Variants in MYO1E observed in about 807,000 individuals in gnomAD.
MYO1E encodes unconventional myosin-Ie.
Under a neutral mutation model 151.1 loss-of-function variants are expected in MYO1E, and 68 were observed. The ratio of observed to expected loss-of-function variants is 0.45; its 90% CI spans 0.37 to 0.55. The LOEUF is 0.55. Among genes scored for constraint, MYO1E ranks in the 20% least tolerant of loss-of-function variants. The probability of loss-of-function intolerance (pLI) is 0.00; values close to 1 mark genes in which losing one functional copy is unlikely to be tolerated. For missense variants in MYO1E, 1,363 were observed against 1,389.3 expected (o/e 0.98, Z 0.30); for synonymous variants, 601 against 501.7 (o/e 1.20, Z -2.64).
At chr15:59,306,432 G>C (rs1220635575) in intron 1 of MYO1E, among the ~76,000 whole-genome samples, 1 of 152,120 alleles carries the variant, frequency 6.6e-6, no homozygotes, top group East Asian at 1.9e-4. Flanking sequence ...ATGTTTTAAT[G>C]AGCATTTAAA....
At position 59,174,243 on chromosome 15, in the gene MYO1E, G is replaced by A. The variant is rs776916643; in HGVS notation, c.2050-3C>T. 1.9e-5 allele frequency: 30 copies of A among 1,598,140 alleles called. No individual in the cohort carries two copies. In the Admixed American group the frequency reaches 4.5e-4, roughly 24 times the overall value. On this transcript the variant is annotated splice_region_variant and splice_polypyrimidine_tract_variant and intron_variant, in intron 19 of 27. Transcript: ENST00000288235. ...CTCATCTCTTCTAAAAGAAATAGCTGTGAATGGAGAGAAGACAAATGTGAG... is the reference window on the plus strand; with the variant it reads ...CTCATCTCTTCTAAAAGAAATAGCTATGAATGGAGAGAAGACAAATGTGAG...
intron 26 of MYO1E, among the ~76,000 whole-genome samples, chr15:59,141,573 T>C (rs891388471): frequency 6.6e-6 from 1 of 151,532 alleles, no homozygotes. Context: ...CCAAGGCGGG[T>C]GGATCACCTG....
At chr15:59,180,757 C>T (rs1001267301) in intron 18 of MYO1E, among the ~76,000 whole-genome samples, 2 of 152,148 alleles carry the variant, frequency 1.3e-5, no homozygotes, top group African/African-American at 2.4e-5. Flanking sequence ...CAAGTGTACC[C>T]AGGCCACTCT....
Position 59,256,269 on chromosome 15 carries a change from G to C in MYO1E, c.332+15C>G. ...TCATATCTTCCACGCCCACTGATAA[G>C]GATCTTCTTCATACCTGATAATGAC... On this transcript the variant is annotated intron_variant, in intron 4 of 27. Coordinates refer to ENST00000288235, the MANE Select transcript of MYO1E (RefSeq NM_004998.4). The C allele has an allele frequency of 6.4e-7, 1 of 1,561,510 alleles. No homozygotes were observed. Among genetic ancestry groups the C allele is most frequent in the African/African-American group, 1.4e-5 (1 of 73,856 alleles).
rs571037497 is a variant in MYO1E, at chr15:59,172,184, C to T, written c.2335-142G>A. ...CCAGCCTGACCAACATGGTGAAACCCCGTCTCTACTGAAAATACAAAAATT... is the reference window on the plus strand; with the variant it reads ...CCAGCCTGACCAACATGGTGAAACCTCGTCTCTACTGAAAATACAAAAATT... On this transcript the variant is annotated intron_variant, in intron 21 of 27. Transcript: ENST00000288235. 1.6e-5 allele frequency: 15 copies of T among 929,530 alleles called. No individual in the cohort carries two copies. The East Asian group carries it at 4.1e-4, about 25-fold the overall frequency. The allele number at this position is 929,530 out of a possible 1,614,324, so 57.6% of individuals were successfully genotyped here. A position where few individuals can be genotyped will look rare whatever the true frequency, so the allele number is the denominator to read the frequency against.
intron 14 of MYO1E, chr15:59,208,081 C>T (rs763317300): frequency 9.6e-6 from 15 of 1,563,768 alleles, no homozygotes; most frequent in South Asian, 1.2e-5. Context: ...TAAGCTTAAG[C>T]TTTAAAGTTG....
At chr15:59,219,341 C>G (rs4775132) in intron 9 of MYO1E, among the ~76,000 whole-genome samples, 2 of 152,238 alleles carry the variant, frequency 1.3e-5, no homozygotes, top group Non-Finnish European at 2.9e-5. Flanking sequence ...AGATGCAATG[C>G]AAATTTTGAA....
intron 22 of MYO1E, 35 bp from the exon 23 acceptor site, chr15:59,163,338 G>T (rs748648795): frequency 6.2e-7 from 1 of 1,604,022 alleles, no homozygotes; most frequent in Non-Finnish European, 8.5e-7. Context: ...CTTGGTGAAA[G>T]CTGTGCTTCT....
At chr15:59,212,455 T>A (rs1182218649) in intron 12 of MYO1E, among the ~76,000 whole-genome samples, 1 of 152,074 alleles carries the variant, frequency 6.6e-6, no homozygotes, top group African/African-American at 2.4e-5. Context: ...CTTTGATGTG[T>A]GTAATGGCTT....
At chr15:59,227,371 T>C (rs1438309229) in intron 7 of MYO1E, 88 bp downstream of exon 7, 4 of 1,521,768 alleles carry the variant, frequency 2.6e-6, no homozygotes, top group African/African-American at 2.7e-5. Context: ...CCTGGCTTCC[T>C]AGACTATAGT....
intron 2 of MYO1E, among the ~76,000 whole-genome samples, chr15:59,268,720 A>ATTTGTTTTTTTTTTTTTTTTTTTTTT (rs2080271356): frequency 1.3e-4 from 6 of 44,906 alleles, no homozygotes; most frequent in South Asian, 1.3e-3. Flanking sequence ...TGACTTTGGT[A>ATTTGTTTTTTTTTTTTTTTTTTTTTT]TTTTTTTTTT....
chr15:59,239,956 A>T (rs2080090037), intron 4 of MYO1E, among the ~76,000 whole-genome samples: 1 of 152,262 alleles, frequency 6.6e-6, no homozygotes, highest in African/African-American at 2.4e-5. Flanking sequence ...ACCCAAGTTA[A>T]AAGAAAGTGA....
chr15:59,247,148 A>G (rs961447384), intron 4 of MYO1E, among the ~76,000 whole-genome samples: 7 of 152,158 alleles, frequency 4.6e-5, no homozygotes, highest in Non-Finnish European at 8.8e-5. Context: ...GTGTGTTGAA[A>G]TTGTGCCACT....
chr15:59,301,224 G>C (rs2080480779), intron 1 of MYO1E, among the ~76,000 whole-genome samples: 1 of 152,188 alleles, frequency 6.6e-6, no homozygotes, highest in African/African-American at 2.4e-5. Context: ...TATTAAAAAT[G>C]TCTTCCTAAT....
intron 17 of MYO1E, 50 bp from the exon 18 acceptor site, chr15:59,188,266 C>T (rs1365997096): frequency 6.8e-7 from 1 of 1,479,458 alleles, no homozygotes; most frequent in Non-Finnish European, 9.4e-7. Flanking sequence ...AATCCTTTCA[C>T]TCGTGTTCTT....
At chr15:59,227,930 A>C (rs1311998618) in intron 6 of MYO1E, among the ~76,000 whole-genome samples, 2 of 152,206 alleles carry the variant, frequency 1.3e-5, no homozygotes, top group Non-Finnish European at 2.9e-5. Context: ...CTTTCAGAGG[A>C]AGAGCACTCT....
chr15:59,154,509 C>T (rs1488389829), intron 25 of MYO1E, among the ~76,000 whole-genome samples: 1 of 152,112 alleles, frequency 6.6e-6, no homozygotes, highest in Non-Finnish European at 1.5e-5. Flanking sequence ...ATGAAGAGGC[C>T]CTTATTCATT....
rs879044293 is a variant in MYO1E, at chr15:59,136,959, A to G, written c.*421T>C. 4 of 357,426 alleles carry G rather than the reference A, an allele frequency of 1.1e-5. No individual in the cohort carries two copies. The highest frequency in any genetic ancestry group is 8.3e-5 in the South Asian group (4 of 48,120). The allele number at this position is 357,426 out of a possible 1,614,324, so 22.1% of individuals were successfully genotyped here. A position where few individuals can be genotyped will look rare whatever the true frequency, so the allele number is the denominator to read the frequency against. ...GCAGAGAGGAATGTGTCTATCAGGT[A>G]TGGACAAGAGAGATGAAAGAAATGT... On this transcript the variant is annotated 3_prime_UTR_variant, in exon 28 of 28. Transcript: ENST00000288235.
chr15:59,243,585 G>A (rs1453655780), intron 4 of MYO1E, among the ~76,000 whole-genome samples: 1 of 152,092 alleles, frequency 6.6e-6, no homozygotes, highest in African/African-American at 2.4e-5. Context: ...TCAGAGGACG[G>A]TAAACCTTTA....
Sources: gnomAD v4.1 joint callset for allele counts (sites outside exome capture counted in the v4.1 genomes callset) on GRCh38, gnomAD v4.1.1 for gene constraint, MANE v1.5 for transcripts, NCBI Gene and HGNC (gene_info 2026-07-23, HGNC 2026-07-21) for gene names.